The following GALNTL6 variants were observed in gnomAD, a reference collection of about 807,000 sequenced individuals.
GALNTL6 encodes the protein polypeptide N-acetylgalactosaminyltransferase like 6.
GALNTL6 carries 46 observed loss-of-function variants against 73.7 expected under a neutral mutation model. The observed-to-expected ratio is 0.62, with a 90% CI of 0.49 to 0.80. The LOEUF (loss-of-function observed/expected upper bound fraction) is 0.80. GALNTL6 is among the 30% of genes least tolerant of loss of function. GALNTL6 has a pLI of 0.00. For missense variants in GALNTL6, 604 were observed against 755.0 expected, an observed-to-expected ratio of 0.80 and a Z score of 2.34; for synonymous variants, 259 against 263.7, an observed-to-expected ratio of 0.98 and a Z score of 0.17.
intron 5 of GALNTL6, among the ~76,000 whole-genome samples, chr4:172,534,123 G>A (rs187338960): frequency 1.8e-4 from 28 of 152,332 alleles, no homozygotes; most frequent in Non-Finnish European, 3.1e-4. Context: ...TTTCCTGTGA[G>A]GAACTGCAAA....
intron 2 of GALNTL6, among the ~76,000 whole-genome samples, chr4:172,020,200 T>G (rs977523462): frequency 1.3e-5 from 2 of 152,006 alleles, no homozygotes; most frequent in Middle Eastern, 3.4e-3. Flanking sequence ...TCTAAGTGCC[T>G]AAATCAGAAA....
At chr4:172,922,942 C>A (rs560987431) in intron 8 of GALNTL6, among the ~76,000 whole-genome samples, 3 of 152,066 alleles carry the variant, frequency 2.0e-5, no homozygotes, top group Non-Finnish European at 4.4e-5. Context: ...GATGGGGAGA[C>A]CCTGAGGAAA....
chr4:172,543,610 A>C (rs1467756733), intron 5 of GALNTL6, among the ~76,000 whole-genome samples: 1 of 152,242 alleles, frequency 6.6e-6, no homozygotes, highest in Non-Finnish European at 1.5e-5. Flanking sequence ...ACTCAGAATC[A>C]CAAGTTTTCA....
intron 5 of GALNTL6, among the ~76,000 whole-genome samples, chr4:172,446,079 G>A (rs943597807): frequency 2.0e-4 from 30 of 152,118 alleles, no homozygotes; most frequent in African/African-American, 6.7e-4. Context: ...AAAGCAGCAG[G>A]TGTAATAATA....
At position 173,040,379 on chromosome 4, in the gene GALNTL6, C is replaced by T. The variant is rs577526770; in HGVS notation, c.*279C>T. 1.9e-4 allele frequency: 72 copies of T among 374,484 alleles called. No homozygotes were observed. The highest frequency in any genetic ancestry group is 3.2e-4 in the Non-Finnish European group (66 of 207,854). The allele number at this position is 374,484 out of a possible 1,614,324, so 23.2% of individuals were successfully genotyped here. A position where few individuals can be genotyped will look rare whatever the true frequency, so the allele number is the denominator to read the frequency against. ...GGGACTTTTCAAAACAACTGCTGAG[C>T]TAATAAATCCTAGCATTTCTCAGGT... On this transcript the variant is annotated 3_prime_UTR_variant, in exon 13 of 13. Transcript: ENST00000506823.
chr4:172,177,783 A>T (rs1735070793), intron 2 of GALNTL6, among the ~76,000 whole-genome samples: 1 of 134,432 alleles, frequency 7.4e-6, no homozygotes, highest in Non-Finnish European at 1.6e-5. Flanking sequence ...ACATATATAC[A>T]CATGTGTATA....
intron 2 of GALNTL6, among the ~76,000 whole-genome samples, chr4:171,895,056 A>G (rs1736870467): frequency 6.6e-6 from 1 of 152,204 alleles, no homozygotes; most frequent in African/African-American, 2.4e-5. Flanking sequence ...GAGACCATAT[A>G]TGATTTAATT....
intron 2 of GALNTL6, among the ~76,000 whole-genome samples, chr4:172,189,829 GATAATA>G (rs1415597488): frequency 6.6e-6 from 1 of 151,602 alleles, no homozygotes; most frequent in Non-Finnish European, 1.5e-5. Flanking sequence ...TAATAATGAT[GATAATA>G]ATAATAATAA....
chr4:172,429,471 A>T (rs1731361207), intron 5 of GALNTL6, among the ~76,000 whole-genome samples: 1 of 152,104 alleles, frequency 6.6e-6, no homozygotes, highest in Admixed American at 6.6e-5. Context: ...CGGCCTCCCG[A>T]AGTGCTGGGA....
intron 5 of GALNTL6, among the ~76,000 whole-genome samples, chr4:172,521,454 T>A (rs1362491157): frequency 6.6e-6 from 1 of 152,156 alleles, no homozygotes; most frequent in Non-Finnish European, 1.5e-5. Context: ...TAAATATAAC[T>A]AGCATATTTT....
intron 5 of GALNTL6, among the ~76,000 whole-genome samples, chr4:172,764,019 G>C (rs562640362): frequency 1.0e-4 from 15 of 149,860 alleles, no homozygotes; most frequent in African/African-American, 3.4e-4. Context: ...AGTGCAATGG[G>C]GCGATCTCAG....
At chr4:172,142,697 TAATTCTGCCTGTCTTAGAATTTCTAG>T (rs1426754548) in intron 2 of GALNTL6, among the ~76,000 whole-genome samples, 75 of 152,138 alleles carry the variant, frequency 4.9e-4, no homozygotes, top group African/African-American at 1.7e-3. Context: ...TTTGAAAAAG[TAATTCTGCCTGTCTTAGAATTTCTAG>T]AATTCTAGAA....
At chr4:172,996,385 T>C (rs1444495269) in intron 10 of GALNTL6, among the ~76,000 whole-genome samples, 3 of 151,720 alleles carry the variant, frequency 2.0e-5, no homozygotes, top group African/African-American at 7.3e-5. Flanking sequence ...CCGGGGGCTA[T>C]GGGAGGGTGG....
chr4:172,861,514 G>C (rs768282881), intron 7 of GALNTL6, among the ~76,000 whole-genome samples: 2 of 152,132 alleles, frequency 1.3e-5, no homozygotes, highest in Non-Finnish European at 2.9e-5. Flanking sequence ...AGATAATCAA[G>C]GTGGAGATTA....
intron 2 of GALNTL6, among the ~76,000 whole-genome samples, chr4:172,092,161 C>T (rs189034060): frequency 7.9e-5 from 12 of 151,994 alleles, no homozygotes; most frequent in African/African-American, 2.4e-4. Flanking sequence ...ACCACAATAA[C>T]GCAATTACTT....
chr4:172,383,000 T>C (rs1245709204), intron 5 of GALNTL6, among the ~76,000 whole-genome samples: 1 of 152,140 alleles, frequency 6.6e-6, no homozygotes, highest in Non-Finnish European at 1.5e-5. Context: ...TATTTGTCTG[T>C]TCTTATGTAG....
At chr4:171,844,867 G>C (rs1437679958) in intron 2 of GALNTL6, among the ~76,000 whole-genome samples, 2 of 152,136 alleles carry the variant, frequency 1.3e-5, no homozygotes, top group Admixed American at 6.6e-5. Flanking sequence ...GGAGATGCTT[G>C]TTTCCAGCTG....
chr4:172,901,360 T>C (rs1442529261), intron 8 of GALNTL6, among the ~76,000 whole-genome samples: 1 of 152,162 alleles, frequency 6.6e-6, no homozygotes, highest in Non-Finnish European at 1.5e-5. Flanking sequence ...CTCTGTTAAA[T>C]GGTAATAAAA....
intron 5 of GALNTL6, among the ~76,000 whole-genome samples, chr4:172,439,409 A>G (rs1048044809): frequency 1.4e-4 from 22 of 152,118 alleles, no homozygotes; most frequent in Middle Eastern, 3.4e-3. Context: ...CACGTTTTTC[A>G]GTTGACTTCA....
Sources: allele counts gnomAD v4.1 joint callset (sites outside exome capture counted in the v4.1 genomes callset), GRCh38; gene constraint gnomAD v4.1.1; transcripts MANE v1.5; gene names NCBI Gene and HGNC (gene_info 2026-07-23, HGNC 2026-07-21).